OTOG: variants seen among roughly 807,000 people sequenced by gnomAD.
OTOG encodes the protein otogelin.
A neutral mutation model predicts 313.8 loss-of-function variants in OTOG; 296 were observed. That is an observed-to-expected ratio of 0.94 (90% CI 0.86 to 1.04). The LOEUF (loss-of-function observed/expected upper bound fraction) is 1.04, where lower values mean the gene tolerates loss of function less well. OTOG is among the 50% of genes least tolerant of loss of function. The pLI is 0.00. For synonymous variants in OTOG, 1,533 were observed against 1,554.9 expected (o/e 0.99, Z 0.33); for missense variants, 3,948 against 3,840.1 (o/e 1.03, Z -0.74).
intron 39 of OTOG, among the ~76,000 whole-genome samples, chr11:17,620,025 T>C (rs961736308): frequency 6.6e-6 from 1 of 152,254 alleles, no homozygotes; most frequent in African/African-American, 2.4e-5. Context: ...TATAGAATTA[T>C]AGGCTGATAT....
At chr11:17,608,165 G>T (rs1011518725) in intron 33 of OTOG, 131 bp from the exon 34 acceptor site, 18 of 609,292 alleles carry the variant, frequency 3.0e-5, no homozygotes, top group Middle Eastern at 3.6e-4. Context: ...CCTTAGTGTG[G>T]TTTTTTCCCC....
At chr11:17,573,050 T>G (rs1265766114) in intron 18 of OTOG, 28 bp from the exon 19 acceptor site, 1 of 1,519,300 alleles carries the variant, frequency 6.6e-7, no homozygotes, top group Non-Finnish European at 8.9e-7. Flanking sequence ...CTCCCCTGAC[T>G]GCCTGGCTCC....
At chr11:17,613,194 C>T (rs866150321) in intron 38 of OTOG, among the ~76,000 whole-genome samples, 47 of 48,652 alleles carry the variant, frequency 9.7e-4, no homozygotes, top group South Asian at 2.6e-3. Context: ...TTCTTTCTTT[C>T]TTTTCTTTCT....
intron 3 of OTOG, among the ~76,000 whole-genome samples, chr11:17,548,919 A>G (rs1333767824): frequency 6.6e-6 from 1 of 151,948 alleles, no homozygotes; most frequent in Non-Finnish European, 1.5e-5. Context: ...GAGTCTCACT[A>G]TGTTGCCCAG....
At position 17,645,886 on chromosome 11, in the gene OTOG, C is replaced by T. The variant is rs1170372737; in HGVS notation, c.8684C>T (p.Ala2895Val). The T allele has an allele frequency of 2.6e-6, 4 of 1,550,526 alleles. No homozygotes were observed. The highest frequency in any genetic ancestry group is 3.5e-6 in the Non-Finnish European group (4 of 1,147,018). Reference sequence around the variant, plus strand: ...GTGCAGCTCTTCTGTGCCACCAATGCCACCTGGGTGCCCTATACAGTGCAG... The same window carrying T: ...GTGCAGCTCTTCTGTGCCACCAATGTCACCTGGGTGCCCTATACAGTGCAG... The part of the protein sequence containing the change: ...RSVQLFCATN[A>V]TWVPYTVQEP... The change falls in exon 56 of 56, where the codon GCC becomes GTC. Residue 2895 changes from alanine to valine, a missense_variant. Transcript: ENST00000399397.
intron 47 of OTOG, 70 bp downstream of exon 47, chr11:17,635,781 C>G: frequency 1.6e-6 from 2 of 1,283,190 alleles, no homozygotes; most frequent in Non-Finnish European, 2.2e-6. Flanking sequence ...CACCCCGGAC[C>G]AATGGGGGTT....
At chr11:17,576,515 C>T (rs969732245) in intron 20 of OTOG, 41 bp from the exon 21 acceptor site, 202 of 1,502,940 alleles carry the variant, frequency 1.3e-4, no homozygotes, top group Non-Finnish European at 1.8e-4. Context: ...TGCCCTAGCT[C>T]CTGAGCCTGC....
chr11:17,627,627 CTCCTTCTCTAATAGTGTGAG>C (rs1380175697), intron 39 of OTOG, among the ~76,000 whole-genome samples: 2 of 152,138 alleles, frequency 1.3e-5, no homozygotes, highest in African/African-American at 4.8e-5. Flanking sequence ...GAAGTATTCC[CTCCTTCTCTAATAGTGTGAG>C]TAGGATTGGT....
At chr11:17,624,088 TC>T (rs1590050161) in intron 39 of OTOG, among the ~76,000 whole-genome samples, 2 of 152,318 alleles carry the variant, frequency 1.3e-5, no homozygotes, top group East Asian at 3.9e-4. Flanking sequence ...CAAAAATTTT[TC>T]CCATTCTGTA....
intron 40 of OTOG, 87 bp from the exon 41 acceptor site, chr11:17,631,615 A>G: frequency 9.1e-7 from 1 of 1,101,438 alleles, no homozygotes. Context: ...GACCTCAAAG[A>G]ACTGTGAGGA....
intron 33 of OTOG, among the ~76,000 whole-genome samples, chr11:17,607,147 C>A (rs1480984027): frequency 2.6e-5 from 4 of 152,234 alleles, no homozygotes; most frequent in African/African-American, 9.6e-5. Context: ...CTGGCTGTGT[C>A]TCGCGGGCTT....
Position 17,588,238 on chromosome 11 carries a change from G to A in OTOG, c.2867+1657G>A, listed in dbSNP as rs1222462352. Among the ~76,000 whole-genome samples, 8 of 152,218 alleles carry A rather than the reference G, an allele frequency of 5.3e-5. No homozygotes were observed. In the South Asian group the frequency reaches 1.7e-3, roughly 32 times the overall value. On this transcript the variant is annotated intron_variant, in intron 24 of 55. Coordinates refer to ENST00000399397, the MANE Select transcript of OTOG (RefSeq NM_001292063.2). ...TAAAAATTCTACCTCCTAATACAGG[G>A]ACAAACCTTAACATTTGCCCTCGAA...
chr11:17,561,015 T>C, intron 13 of OTOG, 76 bp from the exon 14 acceptor site: 1 of 1,465,518 alleles, frequency 6.8e-7, no homozygotes, highest in African/African-American at 1.4e-5. Flanking sequence ...CTGAGGGCTG[T>C]GGGCCCTGCA....
rs1293626299 is a variant in OTOG at position 17,637,891 on chromosome 11, C to T, written c.7796-560C>T. 2.0e-5 allele frequency among the ~76,000 whole-genome samples: 3 copies of T among 152,198 alleles called. No individual in the cohort carries two copies. In the East Asian group the frequency reaches 5.8e-4, roughly 29 times the overall value. The stretch of plus-strand genomic sequence containing the variant: ...CCTTTAGTGCTGACCCTCGCCCCTC[C>T]CCTATCCACCAAAACGTTGCACCCA... On this transcript the variant is annotated intron_variant, in intron 47 of 55. Transcript: ENST00000399397.
intron 23 of OTOG, among the ~76,000 whole-genome samples, chr11:17,581,796 G>A (rs1852673250): frequency 6.6e-6 from 1 of 152,134 alleles, no homozygotes; most frequent in Non-Finnish European, 1.5e-5. Context: ...AATATATAAT[G>A]TTTATCTATT....
At position 17,559,519 on chromosome 11, in the gene OTOG, T is replaced by A. The variant is rs1024501397; in HGVS notation, c.1214-15T>A. 5 of 1,550,338 alleles carry A rather than the reference T, an allele frequency of 3.2e-6. No individual in the cohort carries two copies. The Admixed American group carries it at 9.8e-5, about 30-fold the overall frequency. On this transcript the variant is annotated splice_polypyrimidine_tract_variant and intron_variant, in intron 11 of 55. Coordinates refer to ENST00000399397, the MANE Select transcript of OTOG (RefSeq NM_001292063.2). The stretch of plus-strand genomic sequence containing the variant: ...GGGCCAGTAGCTGAGAGACCATGGA[T>A]CCCTCCTTCCCAAGCTGTGCACTGC...
At chr11:17,570,141 G>A in intron 16 of OTOG, 72 bp from the exon 17 acceptor site, 1 of 1,381,042 alleles carries the variant, frequency 7.2e-7, no homozygotes, top group South Asian at 1.3e-5. Flanking sequence ...GAGCGGGCCA[G>A]GCAGGTGGTG....
In OTOG at chr11:17,561,709, C is replaced by G. The variant is rs755375116; in HGVS notation, c.1546C>G (p.Arg516Gly). The stretch of plus-strand genomic sequence containing the variant: ...CATTCACTTCACAACCTTTGATGGC[C>G]GCCGGTACACGTTCCCCGCCACATG... ...GDIHFTTFDG[R>G]RYTFPATCQY... Residue 516 changes from arginine to glycine, a missense_variant, in exon 15 of 56, where the codon CGC (arginine) becomes GGC (glycine). By Grantham distance (125) the Arg-to-Gly change is moderately radical. Transcript: ENST00000399397. 2 of 1,550,350 alleles carry G rather than the reference C, an allele frequency of 1.3e-6. No individual in the cohort carries two copies. Among genetic ancestry groups the G allele is most frequent in the African/African-American group, 2.7e-5 (2 of 73,012 alleles).
chr11:17,553,392 G>A lies in OTOG; in HGVS notation c.413G>A (p.Ser138Asn), dbSNP rs1851987628. 1 of 1,464,340 alleles carries A rather than the reference G, an allele frequency of 6.8e-7. No individual in the cohort carries two copies. 90.7% of individuals were successfully genotyped at this position (1,464,340 alleles called of 1,614,324 possible). Residue 138 changes from serine (S) to asparagine (N), a missense_variant, in exon 6 of 56, where the codon AGC becomes AAC. By Grantham distance (46) the Ser-to-Asn change is conservative (BLOSUM62 1). Transcript: ENST00000399397. ...TACAATGCCGGCCCTGAGAGGGACA[G>A]CATTTGCCGGGCGTGGGGGCAGCAC... is the stretch of plus-strand genomic sequence containing the variant. ...MVYNAGPERD[S>N]ICRAWGQHHV...
Sources: gnomAD v4.1 joint callset for allele counts (sites outside exome capture counted in the v4.1 genomes callset) on GRCh38, gnomAD v4.1.1 for gene constraint, MANE v1.5 for transcripts, NCBI Gene and HGNC (gene_info 2026-07-23, HGNC 2026-07-21) for gene names.